The following ZNF205 variants were observed in gnomAD, a reference collection of about 807,000 sequenced individuals.
ZNF205 encodes the protein transcriptional repressor RHIT.
In ZNF205, 32 loss-of-function variants were observed where a neutral mutation model predicts 53.6. The observed-to-expected ratio is 0.60, with a 90% CI of 0.45 to 0.80. The LOEUF (loss-of-function observed/expected upper bound fraction) is 0.80. ZNF205 is among the 30% of genes least tolerant of loss of function. The probability of loss-of-function intolerance (pLI) is 0.00; values close to 1 mark genes in which losing one functional copy is unlikely to be tolerated. For synonymous variants in ZNF205, 382 were observed against 334.3 expected (o/e 1.14, Z -1.56); for missense variants, 836 against 782.4 (o/e 1.07, Z -0.82).
intron 5 of ZNF205, among the ~76,000 whole-genome samples, chr16:3,116,865 GC>G (rs1212086692): frequency 6.6e-6 from 1 of 152,164 alleles, no homozygotes; most frequent in Admixed American, 6.5e-5. Context: ...CACGATCTCG[GC>G]TCACTGCAAG....
At position 3,120,137 on chromosome 16, in the gene ZNF205, G is replaced by A; in HGVS notation, c.1477G>A (p.Ala493Thr). 4 of 1,612,136 alleles carry A rather than the reference G, an allele frequency of 2.5e-6. No individual in the cohort carries two copies. Among genetic ancestry groups the A allele is most frequent in the South Asian group, 2.2e-5 (2 of 90,978 alleles). Residue 493 changes from alanine (A) to threonine (T), a missense_variant, in exon 7 of 7, where the codon GCG becomes ACG. Coordinates refer to ENST00000219091, the MANE Select transcript of ZNF205 (RefSeq NM_001042428.2). ...KSFSHSSHLT[A>T]HQRTHRGVRP... The stretch of plus-strand genomic sequence containing the variant: ...CTTCAGCCACAGCTCGCACCTCACC[G>A]CGCACCAGCGCACCCACCGTGGCGT...
At position 3,115,863 on chromosome 16, in the gene ZNF205, A is replaced by T; in HGVS notation, c.306A>T (p.Arg102=). 6.2e-7 allele frequency: 1 copy of T among 1,613,908 alleles called. No homozygotes were observed. Among genetic ancestry groups the T allele is most frequent in the African/African-American group, 1.3e-5 (1 of 75,016 alleles). The change falls in exon 4 of 7, where the codon CGA becomes CGT. Residue 102 remains arginine, a synonymous_variant. Transcript: ENST00000219091. ...CCCCCCGGATCCCCGTGCTTTCCCGAGAGGGGAGGACCAGAGACCGGCAGA... is the reference window on the plus strand; with the variant it reads ...CCCCCCGGATCCCCGTGCTTTCCCGTGAGGGGAGGACCAGAGACCGGCAGA... ...LPSPRIPVLS[R]EGRTRDRQMA... is the part of the protein sequence containing the mutation.
chr16:3,117,227 A>G (rs1444145204), intron 5 of ZNF205, among the ~76,000 whole-genome samples: 8 of 152,138 alleles, frequency 5.3e-5, no homozygotes, highest in African/African-American at 1.9e-4. Context: ...CTATAGCTCC[A>G]TCTTCCTTTC....
intron 4 of ZNF205, 78 bp from the exon 5 acceptor site, chr16:3,116,349 C>T (rs1396998765): frequency 6.3e-7 from 1 of 1,585,016 alleles, no homozygotes; most frequent in Non-Finnish European, 8.6e-7. Flanking sequence ...CGGGGTCTCA[C>T]CACACATCTC....
At chr16:3,116,673 T>G in intron 5 of ZNF205, 126 bp downstream of exon 5, 1 of 1,346,202 alleles carries the variant, frequency 7.4e-7, no homozygotes, top group Non-Finnish European at 1.0e-6. Flanking sequence ...AGCACTGTTC[T>G]ATGGAAACTT....
rs1957347519 is a variant in ZNF205 at position 3,116,497 on chromosome 16, A to C, written c.434A>C (p.Gln145Pro). ...REEWGRLDHTQQNFYRDVLQK... is the reference protein window; with the variant it reads ...REEWGRLDHTPQNFYRDVLQK... ...GAGTGGGGACGGCTGGACCACACGC[A>C]GCAGAACTTCTACAGGGATGTCCTG... Residue 145 changes from glutamine (Q) to proline (P), a missense_variant, in exon 5 of 7, where the codon CAG becomes CCG. Coordinates refer to ENST00000219091, the MANE Select transcript of ZNF205 (RefSeq NM_001042428.2). 1 of 1,614,014 alleles carries C rather than the reference A, an allele frequency of 6.2e-7. No individual in the cohort carries two copies. Among genetic ancestry groups the C allele is most frequent in the Admixed American group, 1.7e-5 (1 of 60,002 alleles).
chr16:3,117,733 G>T (rs143980994), intron 5 of ZNF205, among the ~76,000 whole-genome samples: 1 of 151,970 alleles, frequency 6.6e-6, no homozygotes, highest in Non-Finnish European at 1.5e-5. Context: ...GATTATAGGC[G>T]TGAGCCACTG....
chr16:3,119,698 C>T lies in ZNF205; in HGVS notation c.1038C>T (p.Gly346=). The T allele has an allele frequency of 6.2e-7, 1 of 1,613,552 alleles. No individual in the cohort carries two copies. The highest frequency in any genetic ancestry group is 8.5e-7 in the Non-Finnish European group (1 of 1,179,866). Residue 346 remains glycine, a synonymous_variant, in exon 7 of 7, where the codon GGC becomes GGT. Transcript: ENST00000219091. ...YACTDCGKRF[G]RSSHLIQHQI... is the part of the protein sequence containing the mutation. ...GCACTGACTGCGGGAAGCGCTTCGG[C>T]CGCAGCTCGCACCTCATCCAGCACC...
In ZNF205 at chr16:3,119,535, G is replaced by T; in HGVS notation, c.875G>T (p.Ser292Ile). 1 of 1,606,030 alleles carries T rather than the reference G, an allele frequency of 6.2e-7. No individual in the cohort carries two copies. The highest frequency in any genetic ancestry group is 8.5e-7 in the Non-Finnish European group (1 of 1,176,856). The change falls in exon 7 of 7, where the codon AGT becomes ATT. Residue 292 changes from serine (S) to isoleucine (I), a missense_variant. Physicochemically the swap from Ser to Ile is moderately radical, Grantham distance 142 (BLOSUM62 -2). Coordinates refer to ENST00000219091, the MANE Select transcript of ZNF205 (RefSeq NM_001042428.2). ...GAGGAGGAGAAGGGCGCCCCGGAGAGTGGCGAGGAGGGCCTGGCCCCTGAC... is the reference window on the plus strand; with the variant it reads ...GAGGAGGAGAAGGGCGCCCCGGAGATTGGCGAGGAGGGCCTGGCCCCTGAC... ...PNEEEKGAPE[S>I]GEEGLAPDSE...
intron 5 of ZNF205, 87 bp from the exon 6 acceptor site, chr16:3,118,818 C>A: frequency 7.2e-7 from 1 of 1,393,534 alleles, no homozygotes; most frequent in Non-Finnish European, 9.8e-7. Flanking sequence ...TCACCCCCTA[C>A]TTGGGCCCAT....
chr16:3,118,242 G>A (rs1488516993), intron 5 of ZNF205, among the ~76,000 whole-genome samples: 1 of 151,870 alleles, frequency 6.6e-6, no homozygotes, highest in African/African-American at 2.4e-5. Context: ...CCAAGGCCCC[G>A]CTGGCTGGCA....
At chr16:3,118,740 A>G (rs1356225685) in intron 5 of ZNF205, among the ~76,000 whole-genome samples, 165 bp from the exon 6 acceptor site, 3 of 152,178 alleles carry the variant, frequency 2.0e-5, no homozygotes. Flanking sequence ...GCCGCCAGGC[A>G]GGGGGCGGAC....
At chr16:3,113,586 C>A in intron 2 of ZNF205, 99 bp downstream of exon 2, 1 of 1,348,984 alleles carries the variant, frequency 7.4e-7, no homozygotes, top group South Asian at 1.3e-5. Flanking sequence ...GAGTTAGACT[C>A]ACTGGGGTGG....
chr16:3,115,203 G>A lies in ZNF205; in HGVS notation c.58-152G>A, dbSNP rs527300862. The A allele has an allele frequency of 9.7e-5, 56 of 574,696 alleles. 3 individuals are homozygous for A. The highest frequency in any genetic ancestry group is 9.3e-4 in the Admixed American group (23 of 24,792). 35.6% of individuals were successfully genotyped at this position (574,696 alleles called of 1,614,324 possible). On this transcript the variant is annotated intron_variant, in intron 2 of 6. Transcript: ENST00000219091. ...GTGAATATTCCTCCTCTTGCCGCCC[G>A]TCCTTGCTGGGGTGAGCTGGATGAA...
rs1483388341 is a variant in ZNF205 at position 3,119,340 on chromosome 16, G to A, written c.680G>A (p.Arg227Lys). 1 of 1,612,856 alleles carries A rather than the reference G, an allele frequency of 6.2e-7. No individual in the cohort carries two copies. Among genetic ancestry groups the A allele is most frequent in the Admixed American group, 1.7e-5 (1 of 60,004 alleles). Residue 227 changes from arginine (R) to lysine (K), a missense_variant, in exon 7 of 7, where the codon AGA becomes AAA. By Grantham distance (26) the Arg-to-Lys change is conservative. Transcript: ENST00000219091. ...NVKPFRTRAG[R>K]VQWGVPQCAQ... ...AAGCCCTTCAGAACCAGGGCAGGGA[G>A]AGTCCAGTGGGGCGTCCCGCAGTGC...
At position 3,119,691 on chromosome 16, in the gene ZNF205, G is replaced by C. The variant is rs1190127724; in HGVS notation, c.1031G>C (p.Arg344Pro). 5 of 1,613,514 alleles carry C rather than the reference G, an allele frequency of 3.1e-6. No individual in the cohort carries two copies. Among genetic ancestry groups the C allele is most frequent in the Non-Finnish European group, 4.2e-6 (5 of 1,179,880 alleles). Residue 344 changes from arginine (R) to proline (P), a missense_variant, in exon 7 of 7, where the codon CGC becomes CCC. Physicochemically the swap from Arg to Pro is moderately radical, Grantham distance 103. Coordinates refer to ENST00000219091, the MANE Select transcript of ZNF205 (RefSeq NM_001042428.2). ...TACGCCTGCACTGACTGCGGGAAGC[G>C]CTTCGGCCGCAGCTCGCACCTCATC... ...KPYACTDCGK[R>P]FGRSSHLIQH...
chr16:3,117,617 C>A (rs961736334), intron 5 of ZNF205, among the ~76,000 whole-genome samples: 2 of 148,650 alleles, frequency 1.3e-5, no homozygotes, highest in African/African-American at 5.0e-5. Flanking sequence ...CTATTTTTTT[C>A]TTTTTTTCTT....
At position 3,116,471 on chromosome 16, in the gene ZNF205, G is replaced by A; in HGVS notation, c.408G>A (p.Glu136=). 6.2e-7 allele frequency: 1 copy of A among 1,614,134 alleles called. No homozygotes were observed. The highest frequency in any genetic ancestry group is 8.5e-7 in the Non-Finnish European group (1 of 1,180,048). ...FEDVALYLSR[E]EWGRLDHTQQ... ...ATGTGGCCTTGTACCTCTCCCGGGAGGAGTGGGGACGGCTGGACCACACGC... is the reference window on the plus strand; with the variant it reads ...ATGTGGCCTTGTACCTCTCCCGGGAAGAGTGGGGACGGCTGGACCACACGC... Residue 136 remains glutamate, a synonymous_variant, in exon 5 of 7, where the codon GAG becomes GAA. Transcript: ENST00000219091.
chr16:3,115,925 G>C lies in ZNF205; in HGVS notation c.363+5G>C. On this transcript the variant is annotated splice_donor_5th_base_variant and intron_variant, in intron 4 of 6. Coordinates refer to ENST00000219091, the MANE Select transcript of ZNF205 (RefSeq NM_001042428.2). ...CTCCTCACTGCCTGGTCCCAGGTGA[G>C]TGGCCCTTCCCCGGCCCCTGCATGG... is the stretch of plus-strand genomic sequence containing the variant. 6.2e-7 allele frequency: 1 copy of C among 1,612,790 alleles called. No homozygotes were observed.
Sources: allele counts gnomAD v4.1 joint callset (sites outside exome capture counted in the v4.1 genomes callset), GRCh38; gene constraint gnomAD v4.1.1; transcripts MANE v1.5; gene names NCBI Gene and HGNC (gene_info 2026-07-23, HGNC 2026-07-21).